Variants in FAM133A observed in about 807,000 individuals in gnomAD.
The protein encoded by FAM133A is protein FAM133A.
For synonymous variants in FAM133A, 65 were observed against 58.6 expected (o/e 1.11, Z -0.50); for missense variants, 159 against 164.4 (o/e 0.97, Z 0.18).
intron 2 of FAM133A, among the ~76,000 whole-genome samples, chrX:93,693,038 G>A (rs1292237699): frequency 1.8e-5 from 2 of 111,463 alleles, no homozygotes; most frequent in Non-Finnish European, 3.8e-5. Flanking sequence ...AGAAATATTT[G>A]AGGAACTGTA....
Position 93,701,105 on chromosome X carries a change from G to A in FAM133A, c.-104+2620G>A, listed in dbSNP as rs749525853. Among the ~76,000 whole-genome samples, 99 of 111,082 alleles carry A rather than the reference G, an allele frequency of 8.9e-4. 1 individual carries two copies. The highest frequency in any genetic ancestry group is 3.2e-3 in the African/African-American group (98 of 30,614). ...GTTGACATATTTTAGATTGCAAATC[G>A]GTTTGTATGCACAGTGCATTGCCTC... On this transcript the variant is annotated intron_variant, in intron 3 of 3. Transcript: ENST00000683942.
At chrX:93,703,137 C>T (rs367909199) in intron 3 of FAM133A, among the ~76,000 whole-genome samples, 2 of 111,211 alleles carry the variant, frequency 1.8e-5, no homozygotes, top group East Asian at 5.7e-4. Context: ...TGCAGTGAGC[C>T]GAAATGATGC....
At chrX:93,677,872 T>C (rs986622468) in intron 2 of FAM133A, among the ~76,000 whole-genome samples, 2 of 111,910 alleles carry the variant, frequency 1.8e-5, no homozygotes, top group Admixed American at 1.9e-4. Flanking sequence ...CTATGATCAT[T>C]GGTATATAAG....
At chrX:93,692,101 T>A (rs1411384372) in intron 2 of FAM133A, among the ~76,000 whole-genome samples, 1 of 111,817 alleles carries the variant, frequency 8.9e-6, no homozygotes, top group Admixed American at 9.5e-5. Context: ...CAGAAATGTT[T>A]CAGATTTTGG....
At chrX:93,684,793 T>A (rs765748853) in intron 2 of FAM133A, among the ~76,000 whole-genome samples, 16 of 112,251 alleles carry the variant, frequency 1.4e-4, no homozygotes, top group Middle Eastern at 4.6e-3. Context: ...TTTAACACAA[T>A]AATGAATAAC....
chrX:93,705,922 A>G (rs1284221016), intron 3 of FAM133A, among the ~76,000 whole-genome samples: 3 of 111,503 alleles, frequency 2.7e-5, no homozygotes, highest in Non-Finnish European at 5.7e-5. Flanking sequence ...TGCATCTTTC[A>G]TGGTTGCCTT....
intron 3 of FAM133A, among the ~76,000 whole-genome samples, chrX:93,702,240 G>A (rs1479421363): frequency 1.8e-5 from 2 of 110,721 alleles, no homozygotes; most frequent in Non-Finnish European, 3.8e-5. Context: ...AAAGGAACCC[G>A]GGCTCTGTAG....
chrX:93,691,900 G>C (rs1925917817), intron 2 of FAM133A, among the ~76,000 whole-genome samples: 1 of 111,040 alleles, frequency 9.0e-6, no homozygotes, highest in Non-Finnish European at 1.9e-5. Context: ...TAAGGGTGGG[G>C]AGTTATGGGA....
Position 93,697,190 on chromosome X carries a change from T to TATATATATATAA in FAM133A, c.-192-1206_-192-1205insTATATATATAAA, listed in dbSNP as rs1176351541. ...AGTTATATATATATATATATATATA[T>TATATATATATAA]AATATATCATAGGCAGGTTAATATA... is the stretch of plus-strand genomic sequence containing the variant. On this transcript the variant is annotated intron_variant, in intron 2 of 3. Transcript: ENST00000683942. 1.0e-3 allele frequency among the ~76,000 whole-genome samples: 99 copies of TATATATATATAA among 97,825 alleles called. 1 individual carries two copies. The East Asian group carries it at 0.022, about 21-fold the overall frequency. 84.9% of individuals were successfully genotyped at this position (97,825 alleles called of 115,157 possible).
Position 93,710,085 on chromosome X carries a change from A to G in FAM133A, c.666A>G (p.Val222=). The G allele has an allele frequency of 8.3e-7, 1 of 1,198,188 alleles. No homozygotes were observed. Among genetic ancestry groups the G allele is most frequent in the Non-Finnish European group, 1.1e-6 (1 of 887,620 alleles). ...AGCGAGAACAAGCAAAGGAAAAAGT[A>G]AAGAAGAAGAAGAAGAAACAGCACA... The part of the protein sequence containing the change: ...CEEREQAKEK[V]KKKKKKQHKK... The change falls in exon 4 of 4, where the codon GTA becomes GTG. Residue 222 remains valine (V), a synonymous_variant. Transcript: ENST00000683942.
At chrX:93,692,102 C>T (rs1368495153) in intron 2 of FAM133A, among the ~76,000 whole-genome samples, 2 of 111,553 alleles carry the variant, frequency 1.8e-5, no homozygotes, top group African/African-American at 6.5e-5. Context: ...AGAAATGTTT[C>T]AGATTTTGGA....
chrX:93,696,423 A>C (rs1926275489), intron 2 of FAM133A, among the ~76,000 whole-genome samples: 1 of 111,757 alleles, frequency 8.9e-6, no homozygotes, highest in Admixed American at 9.5e-5. Flanking sequence ...CAATTTAAGT[A>C]AAAACAACGT....
intron 3 of FAM133A, among the ~76,000 whole-genome samples, chrX:93,707,748 C>G (rs1426555986): frequency 1.8e-5 from 2 of 111,531 alleles, no homozygotes; most frequent in Non-Finnish European, 3.8e-5. Context: ...AGGACACTCC[C>G]TCTGAATCCT....
chrX:93,690,688 A>G (rs1375645689), intron 2 of FAM133A, among the ~76,000 whole-genome samples: 2 of 112,147 alleles, frequency 1.8e-5, no homozygotes, highest in Non-Finnish European at 3.8e-5. Context: ...ACATGTTTAC[A>G]TACATGTATT....
intron 2 of FAM133A, among the ~76,000 whole-genome samples, chrX:93,677,145 C>A (rs1924766968): frequency 1.8e-5 from 2 of 110,340 alleles, no homozygotes; most frequent in South Asian, 7.6e-4. Context: ...GTTCAATTAA[C>A]ATGATTTTTT....
intron 3 of FAM133A, among the ~76,000 whole-genome samples, chrX:93,699,674 A>G (rs764679362): frequency 8.1e-5 from 9 of 111,493 alleles, no homozygotes; most frequent in Admixed American, 2.9e-4. Flanking sequence ...AAGAACTTTT[A>G]TCATTTCGTT....
chrX:93,677,126 TG>T lies in FAM133A; in HGVS notation c.-193+2375del, dbSNP rs768779374. On this transcript the variant is annotated intron_variant, in intron 2 of 3. Transcript: ENST00000683942. ...GATATAAATTATTTGCATAGTGATA[TG>T]TTTTTTTGTTCAATTAACATGATTT... Among the ~76,000 whole-genome samples the T allele has an allele frequency of 7.2e-5, 8 of 111,131 alleles. No homozygotes were observed. In the East Asian group the frequency reaches 8.5e-4, roughly 12 times the overall value.
chrX:93,682,759 G>A (rs1925251181), intron 2 of FAM133A, among the ~76,000 whole-genome samples: 1 of 110,616 alleles, frequency 9.0e-6, no homozygotes, highest in African/African-American at 3.3e-5. Context: ...GGGATTACAG[G>A]CGTTCACCAC....
At chrX:93,675,204 AAC>A (rs1159412517) in intron 2 of FAM133A, among the ~76,000 whole-genome samples, 1 of 111,824 alleles carries the variant, frequency 8.9e-6, no homozygotes, top group Non-Finnish European at 1.9e-5. Context: ...CAGTAGTAAA[AAC>A]ACAAAATCTT....
Sources: allele counts gnomAD v4.1 joint callset (sites outside exome capture counted in the v4.1 genomes callset), GRCh38; gene constraint gnomAD v4.1.1; transcripts MANE v1.5; gene names NCBI Gene and HGNC (gene_info 2026-07-23, HGNC 2026-07-21).